The following SLC30A5 variants were observed in gnomAD, a reference collection of about 807,000 sequenced individuals.
SLC30A5 encodes the protein proton-coupled zinc antiporter SLC30A5.
SLC30A5 carries 33 observed loss-of-function variants against 79.6 expected under a neutral mutation model. That is an observed-to-expected ratio of 0.41 (90% CI 0.31 to 0.55). The LOEUF (loss-of-function observed/expected upper bound fraction) is 0.55. SLC30A5 is among the 20% of genes least tolerant of loss of function. The pLI, the probability that SLC30A5 is intolerant of heterozygous loss-of-function variation, is 0.20. For missense variants in SLC30A5, 788 were observed against 928.1 expected, an observed-to-expected ratio of 0.85 and a Z score of 1.96; for synonymous variants, 299 against 319.7, an observed-to-expected ratio of 0.94 and a Z score of 0.69.
At position 69,118,639 on chromosome 5, in the gene SLC30A5, T is replaced by C; in HGVS notation, c.1569+11T>C. On this transcript the variant is annotated intron_variant, in intron 12 of 15. Coordinates refer to ENST00000396591, the MANE Select transcript of SLC30A5 (RefSeq NM_022902.5). ...ACTCACATGTTAACAGTAAGTCTTT[T>C]TATTTTCCTATTTGGATTTCTAGTC... The C allele has an allele frequency of 6.4e-7, 1 of 1,561,400 alleles. No individual in the cohort carries two copies. The highest frequency in any genetic ancestry group is 8.6e-7 in the Non-Finnish European group (1 of 1,160,602).
At chr5:69,107,049 A>G (rs1284747341) in intron 4 of SLC30A5, among the ~76,000 whole-genome samples, 2 of 151,840 alleles carry the variant, frequency 1.3e-5, no homozygotes, top group Non-Finnish European at 2.9e-5. Flanking sequence ...ATCTTTTTTG[A>G]TAGCAGGTTT....
chr5:69,126,719 G>A (rs1050427628), intron 14 of SLC30A5, among the ~76,000 whole-genome samples: 2 of 150,736 alleles, frequency 1.3e-5, no homozygotes, highest in Admixed American at 1.3e-4. Context: ...GCAGTGAGCC[G>A]AGATCACACC....
At chr5:69,095,851 G>C (rs1207590860) in intron 1 of SLC30A5, among the ~76,000 whole-genome samples, 1 of 151,788 alleles carries the variant, frequency 6.6e-6, no homozygotes, top group African/African-American at 2.4e-5. Context: ...TCTGAGGTCA[G>C]GGGTTCGAGA....
intron 1 of SLC30A5, 123 bp downstream of exon 1, chr5:69,094,461 CCTGCCTCCCTGCGCGCAGG>C: frequency 9.7e-7 from 1 of 1,031,580 alleles, no homozygotes; most frequent in Non-Finnish European, 1.2e-6. Flanking sequence ...TCTCCCCCTG[CCTGCCTCCCTGCGCGCAGG>C]CTGCCTCCGG....
At position 69,108,560 on chromosome 5, in the gene SLC30A5, G is replaced by T. The variant is rs1384523843; in HGVS notation, c.447+124G>T. ...CAGGAGGCTGAGCGCGATGGCTCAC[G>T]CCTGTAATCCCAACACTGTGGGAGG... On this transcript the variant is annotated intron_variant, in intron 5 of 15. Transcript: ENST00000396591. 117 of 778,566 alleles carry T rather than the reference G, an allele frequency of 1.5e-4. 3 individuals carry two copies. In the South Asian group the frequency reaches 1.7e-3, roughly 11 times the overall value. The allele number at this position is 778,566 out of a possible 1,614,324, so 48.2% of individuals were successfully genotyped here.
intron 12 of SLC30A5, among the ~76,000 whole-genome samples, chr5:69,120,318 A>G (rs1746502627): frequency 6.6e-6 from 1 of 151,716 alleles, no homozygotes; most frequent in South Asian, 2.1e-4. Flanking sequence ...TGGGAGGCAG[A>G]GGTTGCAATA....
At chr5:69,114,375 A>G in intron 6 of SLC30A5, 45 bp from the exon 7 acceptor site, 1 of 1,144,954 alleles carries the variant, frequency 8.7e-7, no homozygotes. Context: ...CAGGTGTCAA[A>G]GAGTGACTTT....
rs937350300 is a variant in SLC30A5, at chr5:69,116,827, G to A, written c.1281+225G>A. 1.3e-5 allele frequency among the ~76,000 whole-genome samples: 2 copies of A among 152,088 alleles called. No homozygotes were observed. Among genetic ancestry groups the A allele is most frequent in the African/African-American group, 4.8e-5 (2 of 41,422 alleles). Reference sequence around the variant, plus strand: ...AGCCACTTAAGCAAACAATTTGTGAGGCATTTTAGAAGCATTGATTTAGTA... The same window carrying A: ...AGCCACTTAAGCAAACAATTTGTGAAGCATTTTAGAAGCATTGATTTAGTA... On this transcript the variant is annotated intron_variant, in intron 10 of 15. Coordinates refer to ENST00000396591, the MANE Select transcript of SLC30A5 (RefSeq NM_022902.5). This position sits in a 1 kb window ranked among gnomAD's most constrained non-coding sequence, Gnocchi z 4.0.
intron 3 of SLC30A5, 99 bp from the exon 4 acceptor site, chr5:69,104,532 A>G: frequency 7.1e-7 from 1 of 1,407,938 alleles, no homozygotes; most frequent in Non-Finnish European, 9.4e-7. Flanking sequence ...CACCTTTAAA[A>G]TATTTGTTAT....
Position 69,094,040 on chromosome 5 carries a change from A to C in SLC30A5, c.-216A>C, listed in dbSNP as rs1561283277. On this transcript the variant is annotated 5_prime_UTR_variant, in exon 1 of 16. Coordinates refer to ENST00000396591, the MANE Select transcript of SLC30A5 (RefSeq NM_022902.5). ...TCCCTACCGCCGCTGCTTCCCGGGA[A>C]CCTGGCGCCGCCGGAACTGATCGCG... The C allele has an allele frequency of 5.2e-6, 2 of 385,232 alleles. No homozygotes were observed. Among genetic ancestry groups the C allele is most frequent in the African/African-American group, 2.1e-5 (1 of 48,152 alleles). 23.9% of individuals were successfully genotyped at this position (385,232 alleles called of 1,614,324 possible).
chr5:69,112,296 A>T (rs1035066339), intron 5 of SLC30A5, among the ~76,000 whole-genome samples: 4 of 152,142 alleles, frequency 2.6e-5, no homozygotes, highest in African/African-American at 7.2e-5. Flanking sequence ...CTCCTCAAAA[A>T]AAAAAAAGGA....
chr5:69,095,398 C>T (rs1167649677), intron 1 of SLC30A5, among the ~76,000 whole-genome samples: 1 of 152,020 alleles, frequency 6.6e-6, no homozygotes, highest in Admixed American at 6.6e-5. Flanking sequence ...GACGAGGTTT[C>T]TCCATGTTGG....
At position 69,116,397 on chromosome 5, in the gene SLC30A5, C is replaced by T. The variant is rs770844108; in HGVS notation, c.1076C>T (p.Ala359Val). The T allele has an allele frequency of 6.3e-7, 1 of 1,575,994 alleles. No homozygotes were observed. Among genetic ancestry groups the T allele is most frequent in the Non-Finnish European group, 8.6e-7 (1 of 1,166,622 alleles). ...ATATTGTTTTTTCTCTTTGTAGCTG[C>T]CAATATCTTATCATCTCCCTCTAAG... Reference protein sequence around the residue: ...VVSAIFFILSANILSSPSKRG... With the variant: ...VVSAIFFILSVNILSSPSKRG... The change falls in exon 10 of 16, where the codon GCC becomes GTC. Residue 359 changes from alanine to valine, a missense_variant. Physicochemically the swap from Ala to Val is moderately conservative, Grantham distance 64 (BLOSUM62 0). Around this residue, in one of 3 missense-constraint regions of SLC30A5, gnomAD observed 626 missense variants for 755.5 expected, o/e 0.83. Transcript: ENST00000396591. This position sits in a 1 kb window ranked among gnomAD's most constrained non-coding sequence, Gnocchi z 4.0.
At position 69,104,684 on chromosome 5, in the gene SLC30A5, GT is replaced by G; in HGVS notation, c.333del (p.Phe111LeufsTer9). The G allele has an allele frequency of 2.5e-6, 4 of 1,589,994 alleles. No individual in the cohort carries two copies. Among genetic ancestry groups the G allele is most frequent in the Admixed American group, 3.7e-5 (2 of 54,062 alleles). ...VAGCIISLLW[F>X]FGLTLCGPLR... ...CTGGGTGTATTATTTCACTCTTGTG[GT>G]TTTTTGGCCTCACTCTTTGTGGACC... On this transcript the variant is annotated frameshift_variant, in exon 4 of 16. Transcript: ENST00000396591. LOFTEE classifies it high-confidence loss of function.
At position 69,094,075 on chromosome 5, in the gene SLC30A5, C is replaced by G; in HGVS notation, c.-181C>G. 2.5e-6 allele frequency: 1 copy of G among 401,966 alleles called. No individual in the cohort carries two copies. The highest frequency in any genetic ancestry group is 1.4e-4 in the South Asian group (1 of 7,090). The allele number at this position is 401,966 out of a possible 1,614,324, so 24.9% of individuals were successfully genotyped here. A position where few individuals can be genotyped will look rare whatever the true frequency, so the allele number is the denominator to read the frequency against. ...GCCGGAACTGATCGCGGCCTAGTCC[C>G]GACGCGTGTGTGCTAGTGAGCCGGA... On this transcript the variant is annotated 5_prime_UTR_variant, in exon 1 of 16. Coordinates refer to ENST00000396591, the MANE Select transcript of SLC30A5 (RefSeq NM_022902.5).
At chr5:69,118,323 A>ATATATATATGTG (rs1561296054) in intron 11 of SLC30A5, 176 bp from the exon 12 acceptor site, 1 of 221,946 alleles carries the variant, frequency 4.5e-6, no homozygotes, top group African/African-American at 2.4e-5. Flanking sequence ...ATATATATAT[A>ATATATATATGTG]TGTATATATA....
At chr5:69,124,030 G>A (rs536917478) in intron 14 of SLC30A5, among the ~76,000 whole-genome samples, 8 of 146,402 alleles carry the variant, frequency 5.5e-5, no homozygotes, top group African/African-American at 1.3e-4. Context: ...GGAGAATGGC[G>A]TGAACCCGGG....
chr5:69,121,562 CTT>C, intron 12 of SLC30A5, 130 bp from the exon 13 acceptor site: 1 of 610,990 alleles, frequency 1.6e-6, no homozygotes, highest in Non-Finnish European at 2.7e-6. Flanking sequence ...CTTACTGAAA[CTT>C]AGTAAGGTTT....
At chr5:69,109,699 C>G (rs164712) in intron 5 of SLC30A5, among the ~76,000 whole-genome samples, 57,636 of 151,900 alleles carry the variant, frequency 0.38, 11,486 homozygotes, top group East Asian at 0.52. Context: ...CCTATTCATC[C>G]TAAGTGATTC....
Sources: gnomAD v4.1 joint callset for allele counts (sites outside exome capture counted in the v4.1 genomes callset) on GRCh38, gnomAD v4.1.1 for gene constraint, gnomAD v4.1.1 regional missense constraint, Gnocchi (gnomAD v3.1) non-coding constraint, MANE v1.5 for transcripts, NCBI Gene and HGNC (gene_info 2026-07-23, HGNC 2026-07-21) for gene names.